The following AR variants were observed in gnomAD, a reference collection of about 807,000 sequenced individuals.
The protein encoded by AR is androgen receptor.
In AR, 8 loss-of-function variants were observed where a neutral mutation model predicts 53.9. The ratio of observed to expected loss-of-function variants is 0.15; its 90% CI spans 0.09 to 0.27. AR has a LOEUF of 0.27. Ranked by LOEUF, AR falls within the 10% of genes least tolerant of loss-of-function variation. The pLI is 1.00. For missense variants in AR, 639 were observed against 742.5 expected (o/e 0.86, Z 1.62); for synonymous variants, 359 against 316.4 (o/e 1.13, Z -1.43).
intron 2 of AR, among the ~76,000 whole-genome samples, chrX:67,677,629 TAC>T (rs1416435085): frequency 4.5e-5 from 5 of 111,937 alleles, no homozygotes; most frequent in African/African-American, 1.6e-4. Context: ...CTTCTGATCA[TAC>T]AGAGATAATA....
At chrX:67,581,364 T>C (rs1016838890) in intron 1 of AR, among the ~76,000 whole-genome samples, 2 of 111,872 alleles carry the variant, frequency 1.8e-5, no homozygotes, top group Admixed American at 9.5e-5. Context: ...GCATATCTTA[T>C]TGCAAGAAAT....
chrX:67,648,837 C>G (rs1227587985), intron 2 of AR, among the ~76,000 whole-genome samples: 2 of 112,315 alleles, frequency 1.8e-5, no homozygotes, highest in Non-Finnish European at 3.8e-5. Flanking sequence ...CCATTGCCTT[C>G]TGCTACCATG....
chrX:67,642,500 G>T (rs1925832931), intron 1 of AR, among the ~76,000 whole-genome samples: 1 of 111,298 alleles, frequency 9.0e-6, no homozygotes, highest in Admixed American at 9.6e-5. Context: ...TATTTTGATG[G>T]TAGCCTAAAA....
At chrX:67,688,031 A>G (rs2075976369) in intron 3 of AR, among the ~76,000 whole-genome samples, 1 of 112,242 alleles carries the variant, frequency 8.9e-6, no homozygotes, top group Admixed American at 9.4e-5. Context: ...ACAATGTTTC[A>G]GTACATTTTC....
chrX:67,676,169 T>G (rs1018327622), intron 2 of AR, among the ~76,000 whole-genome samples: 4 of 112,235 alleles, frequency 3.6e-5, no homozygotes, highest in Non-Finnish European at 7.5e-5. Context: ...TATTTTTAAA[T>G]AAATTATTAT....
chrX:67,544,767 CG>C lies in AR; in HGVS notation c.-379del. ...ACAAAACAAACAAAAACAAAAAAGC[CG>C]AAATAAAAGAAAAAGATAATAACTC... On this transcript the variant is annotated 5_prime_UTR_variant, in exon 1 of 8. Transcript: ENST00000374690. The C allele has an allele frequency of 5.3e-6, 1 of 187,802 alleles. No homozygotes were observed. 15.5% of individuals were successfully genotyped at this position (187,802 alleles called of 1,213,427 possible). A position where few individuals can be genotyped will look rare whatever the true frequency, so the allele number is the denominator to read the frequency against.
At chrX:67,620,728 A>T (rs1057496721) in intron 1 of AR, among the ~76,000 whole-genome samples, 4 of 111,278 alleles carry the variant, frequency 3.6e-5, no homozygotes, top group Non-Finnish European at 7.5e-5. Context: ...TTTAACTCTG[A>T]GTCTCATTTG....
At position 67,722,903 on chromosome X, in the gene AR, C is replaced by T. The variant is rs769756839; in HGVS notation, c.2526C>T (p.Ile842=). Residue 842 remains isoleucine, a synonymous_variant, in exon 7 of 8, where the codon ATC becomes ATT. Coordinates refer to ENST00000374690, the MANE Select transcript of AR (RefSeq NM_000044.6). ...ACTACATCAAGGAACTCGATCGTATCATTGCATGCAAAAGAAAAAATCCCA... is the reference window on the plus strand; with the variant it reads ...ACTACATCAAGGAACTCGATCGTATTATTGCATGCAAAAGAAAAAATCCCA... The part of the protein sequence containing the change: ...RMNYIKELDR[I]IACKRKNPTS... 1.7e-5 allele frequency: 20 copies of T among 1,209,082 alleles called. No homozygotes were observed. In the Admixed American group the frequency reaches 4.4e-4, roughly 26 times the overall value.
At position 67,573,870 on chromosome X, in the gene AR, G is replaced by C. The variant is rs1435980255; in HGVS notation, c.1616+27108G>C. ...AAAGTTTTACAAATAATTAGAAGTA[G>C]AAATAATGATTAAAATAAAGCATAA... On this transcript the variant is annotated intron_variant, in intron 1 of 7. Coordinates refer to ENST00000374690, the MANE Select transcript of AR (RefSeq NM_000044.6). Among the ~76,000 whole-genome samples, 5 of 111,982 alleles carry C rather than the reference G, an allele frequency of 4.5e-5. No individual in the cohort carries two copies. The Admixed American group carries it at 4.7e-4, about 11-fold the overall frequency.
At chrX:67,572,034 A>G (rs544361043) in intron 1 of AR, among the ~76,000 whole-genome samples, 1 of 111,434 alleles carries the variant, frequency 9.0e-6, no homozygotes. Flanking sequence ...TATAATGGTA[A>G]TAATAAAGCC....
At chrX:67,682,214 C>T (rs1301319733) in intron 2 of AR, among the ~76,000 whole-genome samples, 4 of 111,421 alleles carry the variant, frequency 3.6e-5, no homozygotes, top group African/African-American at 9.8e-5. Flanking sequence ...ATTAATGAGC[C>T]TCATTTTCTT....
chrX:67,652,725 G>T (rs1015024597), intron 2 of AR, among the ~76,000 whole-genome samples: 2 of 111,789 alleles, frequency 1.8e-5, no homozygotes, highest in South Asian at 7.6e-4. Flanking sequence ...CCTAGAAGGA[G>T]CTTAGTCCCT....
In AR at chrX:67,546,593, T is replaced by C. The variant is rs2147322451; in HGVS notation, c.1447T>C (p.Tyr483His). ...GEAGAVAPYG[Y>H]TRPPQGLAGQ... ...GGCGGGAGCTGTAGCCCCCTACGGC[T>C]ACACTCGGCCCCCTCAGGGGCTGGC... Residue 483 changes from tyrosine to histidine, a missense_variant, in exon 1 of 8, where the codon TAC becomes CAC. Physicochemically the swap from Tyr to His is moderately conservative, Grantham distance 83. Coordinates refer to ENST00000374690, the MANE Select transcript of AR (RefSeq NM_000044.6). 8.5e-7 allele frequency: 1 copy of C among 1,171,417 alleles called. No homozygotes were observed. Among genetic ancestry groups the C allele is most frequent in the Non-Finnish European group, 1.1e-6 (1 of 875,209 alleles).
chrX:67,713,601 G>A (rs1332524190), intron 4 of AR, among the ~76,000 whole-genome samples: 1 of 111,504 alleles, frequency 9.0e-6, no homozygotes, highest in Non-Finnish European at 1.9e-5. Context: ...CATTTCACAT[G>A]CCAAGGCTCA....
chrX:67,602,653 T>A (rs1224105033), intron 1 of AR, among the ~76,000 whole-genome samples: 1 of 111,536 alleles, frequency 9.0e-6, no homozygotes, highest in Non-Finnish European at 1.9e-5. Flanking sequence ...AATGAGGGCC[T>A]CAGACCTACA....
chrX:67,723,354 CAGAGAGAG>C (rs373151625), intron 7 of AR, among the ~76,000 whole-genome samples: 2 of 49,023 alleles, frequency 4.1e-5, no homozygotes, highest in African/African-American at 8.0e-5. Context: ...GTGTGTGTGT[CAGAGAGAG>C]AGAGAGAGAG....
intron 4 of AR, among the ~76,000 whole-genome samples, chrX:67,715,950 A>C (rs1445509316): frequency 5.4e-5 from 6 of 111,994 alleles, no homozygotes; most frequent in African/African-American, 9.7e-5. Context: ...CAACTGTTTC[A>C]AAAACTCCAG....
intron 1 of AR, among the ~76,000 whole-genome samples, chrX:67,615,046 A>G (rs1188612295): frequency 9.1e-6 from 1 of 110,482 alleles, no homozygotes; most frequent in Non-Finnish European, 1.9e-5. Context: ...ATTCATTTTG[A>G]AGGGTAGAAA....
At chrX:67,664,693 G>T (rs749405242) in intron 2 of AR, among the ~76,000 whole-genome samples, 1 of 112,219 alleles carries the variant, frequency 8.9e-6, no homozygotes, top group Non-Finnish European at 1.9e-5. Context: ...CCTTTTGTTC[G>T]GCTATGCCCT....
Sources: allele counts gnomAD v4.1 joint callset (sites outside exome capture counted in the v4.1 genomes callset), GRCh38; gene constraint gnomAD v4.1.1; transcripts MANE v1.5; gene names NCBI Gene and HGNC (gene_info 2026-07-23, HGNC 2026-07-21).